Variants in MYH10 observed in about 807,000 individuals in gnomAD.
The protein encoded by MYH10 is myosin heavy chain 10, also known as myosin-10.
In MYH10, 55 loss-of-function variants were observed where a neutral mutation model predicts 257.8. That is an observed-to-expected ratio of 0.21 (90% confidence interval 0.17 to 0.27). MYH10 has a LOEUF of 0.27. Ranked by LOEUF, MYH10 falls within the 10% of genes least tolerant of loss-of-function variation. The pLI is 1.00. For synonymous variants in MYH10, 854 were observed against 921.7 expected (o/e 0.93, Z 1.33); for missense variants, 1,631 against 2,500.6 (o/e 0.65, Z 7.42).
chr17:8,570,398 G>A (rs1244483007), intron 6 of MYH10, among the ~76,000 whole-genome samples: 6 of 152,292 alleles, frequency 3.9e-5, no homozygotes, highest in Admixed American at 2.0e-4. Context: ...TCGGTAAAAT[G>A]TCTGCTTTAG....
intron 1 of MYH10, among the ~76,000 whole-genome samples, chr17:8,626,577 T>A (rs957234266): frequency 7.6e-5 from 5 of 65,684 alleles, no homozygotes; most frequent in Middle Eastern, 8.3e-3. Flanking sequence ...AAAATAATAA[T>A]AAATAATAAT....
chr17:8,487,620 G>T (rs765836298), intron 35 of MYH10, 26 bp from the exon 36 acceptor site: 1 of 1,613,474 alleles, frequency 6.2e-7, no homozygotes, highest in South Asian at 1.1e-5. Context: ...GGGTTATGCT[G>T]GGTTACATCC....
intron 7 of MYH10, chr17:8,554,418 T>C (rs1268951861): frequency 6.7e-6 from 1 of 149,888 alleles, no homozygotes; most frequent in African/African-American, 2.5e-5. Context: ...AAAATAGAAA[T>C]CCATTCAAGA....
chr17:8,506,229 C>T lies in MYH10; in HGVS notation c.3386+89G>A. ...GCAAGCAAACCCCATCTCACTCTCC[C>T]AGGGTTTTTGAATGCTCCCGAACAT... On this transcript the variant is annotated intron_variant, in intron 27 of 42. Transcript: ENST00000360416. This position sits in a 1 kb window ranked among gnomAD's most constrained non-coding sequence, Gnocchi z 5.0. The T allele has an allele frequency of 7.3e-7, 1 of 1,360,566 alleles. No homozygotes were observed. Among genetic ancestry groups the T allele is most frequent in the Non-Finnish European group, 9.8e-7 (1 of 1,025,034 alleles). The allele number at this position is 1,360,566 out of a possible 1,614,324, so 84.3% of individuals were successfully genotyped here. A position where few individuals can be genotyped will look rare whatever the true frequency, so the allele number is the denominator to read the frequency against.
In MYH10 at chr17:8,615,947, G is replaced by A. The variant is rs563350761; in HGVS notation, c.345+6955C>T. Among the ~76,000 whole-genome samples, 135 of 152,282 alleles carry A rather than the reference G, an allele frequency of 8.9e-4. 1 individual carries two copies. Among genetic ancestry groups the A allele is most frequent in the African/African-American group, 3.1e-3 (127 of 41,564 alleles). On this transcript the variant is annotated intron_variant, in intron 2 of 42. Transcript: ENST00000360416. ...TTATCACTTCTGTTCAAAAAACATT[G>A]TACTGAAAATTCTAGACAGTGCAAT...
At chr17:8,546,199 C>T (rs4791723) in intron 12 of MYH10, among the ~76,000 whole-genome samples, 76,184 of 151,428 alleles carry the variant, frequency 0.5, 20,143 homozygotes, top group Middle Eastern at 0.62. Flanking sequence ...GCTGGGACTA[C>T]AGGCGCATGC....
Position 8,535,862 on chromosome 17 carries a change from A to G in MYH10, c.1675T>C (p.Phe559Leu). 6.2e-7 allele frequency: 1 copy of G among 1,614,162 alleles called. No homozygotes were observed. The highest frequency in any genetic ancestry group is 8.5e-7 in the Non-Finnish European group (1 of 1,180,034). ...CWFPKATDKT[F>L]VEKLVQEQGS... ...TGCTCTTGAACCAGTTTTTCAACAA[A>G]GGTTTTATCTGTGGCTTTAGGGAAC... The change falls in exon 15 of 43, where the codon TTT (phenylalanine) becomes CTT (leucine). Residue 559 changes from phenylalanine to leucine, a missense_variant. By Grantham distance (22) the Phe-to-Leu change is conservative (BLOSUM62 0). Coordinates refer to ENST00000360416, the MANE Select transcript of MYH10 (RefSeq NM_001256012.3). The surrounding 1 kb of genome is among the most constrained non-coding windows in gnomAD (Gnocchi z 4.3).
intron 38 of MYH10, 74 bp from the exon 39 acceptor site, chr17:8,480,599 C>T (rs771943680): frequency 6.3e-6 from 10 of 1,575,558 alleles, no homozygotes; most frequent in Non-Finnish European, 8.6e-6. Flanking sequence ...AAGGCTCCTC[C>T]ACCCACCCTG....
intron 31 of MYH10, among the ~76,000 whole-genome samples, chr17:8,494,546 T>G (rs915267373): frequency 2.0e-5 from 3 of 152,080 alleles, no homozygotes; most frequent in Non-Finnish European, 4.4e-5. Context: ...GTCTGAGATT[T>G]TTTTTTTTAA....
intron 37 of MYH10, 50 bp downstream of exon 37, chr17:8,484,088 T>A: frequency 2.0e-6 from 3 of 1,472,670 alleles, no homozygotes; most frequent in Non-Finnish European, 1.8e-6. Flanking sequence ...CTTGGAGAAA[T>A]TTCAAGGGCA....
chr17:8,604,417 C>T (rs2084721526), intron 3 of MYH10, among the ~76,000 whole-genome samples: 1 of 152,154 alleles, frequency 6.6e-6, no homozygotes, highest in African/African-American at 2.4e-5. Context: ...TTTATTGTCA[C>T]CCTTTTACAT....
Position 8,487,594 on chromosome 17 carries a change from C to A in MYH10, c.4885G>T (p.Val1629Leu). Residue 1629 changes from valine to leucine, a missense_variant and splice_region_variant, in exon 36 of 43, where the codon GTG (valine) becomes TTG (leucine). Val to Leu is a conservative substitution (Grantham distance 32). Transcript: ENST00000360416. ...TCCAGCTCCGCCTCGAGCTCCCGCA[C>A]CTAATGGACAACATCGGGTTATGCT... ...EEKKRLLIKQ[V>L]RELEAELEDE... is the part of the protein sequence containing the mutation. 6.2e-7 allele frequency: 1 copy of A among 1,614,200 alleles called. No homozygotes were observed. The highest frequency in any genetic ancestry group is 8.5e-7 in the Non-Finnish European group (1 of 1,180,050).
chr17:8,533,579 G>A lies in MYH10; in HGVS notation c.1894+1808C>T, dbSNP rs140342561. Among the ~76,000 whole-genome samples, 377 of 152,254 alleles carry A rather than the reference G, an allele frequency of 2.5e-3. 3 individuals carry two copies. Among genetic ancestry groups the A allele is most frequent in the African/African-American group, 6.2e-3 (259 of 41,528 alleles). On this transcript the variant is annotated intron_variant, in intron 16 of 42. Coordinates refer to ENST00000360416, the MANE Select transcript of MYH10 (RefSeq NM_001256012.3). The stretch of plus-strand genomic sequence containing the variant: ...TAAATTAGTGCTGAAAACACTGTGT[G>A]GCACTTAGTAGGTGCTCAGGAGATG...
Position 8,509,915 on chromosome 17 carries a change from G to A in MYH10, c.2987C>T (p.Ala996Val), listed in dbSNP as rs141845979. ...CTTTTCCAGCTGCAGCTTTTGCCGA[G>A]CCCCTTCCTCCTCGTCTAGCTGTTC... is the stretch of plus-strand genomic sequence containing the variant. ...LEEQLDEEEG[A>V]RQKLQLEKVT... is the part of the protein sequence containing the mutation. The change falls in exon 25 of 43, where the codon GCT becomes GTT. Residue 996 changes from alanine to valine, a missense_variant. Ala to Val is a moderately conservative substitution (Grantham distance 64, BLOSUM62 0). Transcript: ENST00000360416. The A allele has an allele frequency of 0.011, 17,079 of 1,612,078 alleles. 120 individuals carry two copies. The highest frequency in any genetic ancestry group is 0.012 in the Non-Finnish European group (14,296 of 1,179,048).
Position 8,480,528 on chromosome 17 carries a change from G to GGC in MYH10, c.5265-5_5265-4dup. 1 of 1,605,750 alleles carries GGC rather than the reference G, an allele frequency of 6.2e-7. No homozygotes were observed. ...GCTTCTCATCCAGCAGCGCGGACCT[G>GGC]GCGGGGAGAGGAGGAGGGGACGGTT... On this transcript the variant is annotated splice_region_variant and splice_polypyrimidine_tract_variant and intron_variant, in intron 38 of 42. Transcript: ENST00000360416.
chr17:8,577,364 G>A (rs2083535508), intron 4 of MYH10, 26 bp from the exon 5 acceptor site: 1 of 1,536,944 alleles, frequency 6.5e-7, no homozygotes, highest in African/African-American at 1.4e-5. Flanking sequence ...AATATAGGCT[G>A]CTTTAACGAA....
At chr17:8,517,054 TG>T (rs1186954401) in intron 21 of MYH10, among the ~76,000 whole-genome samples, 2 of 151,884 alleles carry the variant, frequency 1.3e-5, no homozygotes, top group Non-Finnish European at 1.5e-5. Context: ...GGGAGGAGAA[TG>T]GCATGAACCC....
At chr17:8,563,261 T>C (rs1373174997) in intron 7 of MYH10, among the ~76,000 whole-genome samples, 3 of 152,236 alleles carry the variant, frequency 2.0e-5, no homozygotes, top group Non-Finnish European at 2.9e-5. Flanking sequence ...AGAAGCTTTG[T>C]TGTTAGTAAA....
At chr17:8,525,941 T>C (rs2081830385) in intron 17 of MYH10, among the ~76,000 whole-genome samples, 1 of 152,174 alleles carries the variant, frequency 6.6e-6, no homozygotes, top group Non-Finnish European at 1.5e-5. Context: ...TATAGGTGCC[T>C]GCCACCATGC....
Sources: gnomAD v4.1 joint callset for allele counts (sites outside exome capture counted in the v4.1 genomes callset) on GRCh38, gnomAD v4.1.1 for gene constraint, Gnocchi (gnomAD v3.1) non-coding constraint, MANE v1.5 for transcripts, NCBI Gene and HGNC (gene_info 2026-07-23, HGNC 2026-07-21) for gene names.